The following TBC1D15 variants were observed in gnomAD, a reference collection of about 807,000 sequenced individuals.
The protein encoded by TBC1D15 is GAP for RAB7.
A neutral mutation model predicts 95.4 loss-of-function variants in TBC1D15; 39 were observed. The ratio of observed to expected loss-of-function variants is 0.41; its 90% confidence interval spans 0.32 to 0.53. The LOEUF is 0.53. Among genes scored for constraint, TBC1D15 ranks in the 20% least tolerant of loss-of-function variants. TBC1D15 has a pLI of 0.29. For synonymous variants in TBC1D15, 258 were observed against 261.3 expected, an observed-to-expected ratio of 0.99 and a Z score of 0.12; for missense variants, 733 against 794.3, an observed-to-expected ratio of 0.92 and a Z score of 0.93.
chr12:71,901,157 G>A (rs147581764), intron 10 of TBC1D15, among the ~76,000 whole-genome samples: 9 of 152,158 alleles, frequency 5.9e-5, no homozygotes, highest in Middle Eastern at 3.4e-3. Flanking sequence ...AGTAGCTGGG[G>A]CTGCATGCAC....
chr12:71,848,585 A>G (rs1886928029), intron 1 of TBC1D15, among the ~76,000 whole-genome samples: 1 of 151,678 alleles, frequency 6.6e-6, no homozygotes, highest in Non-Finnish European at 1.5e-5. Context: ...CCTGGATTTT[A>G]TATTCTGGAT....
chr12:71,865,256 C>A (rs1891242129), intron 1 of TBC1D15, among the ~76,000 whole-genome samples: 1 of 152,210 alleles, frequency 6.6e-6, no homozygotes, highest in African/African-American at 2.4e-5. Flanking sequence ...GGATGTATGA[C>A]ACTGAGTCAC....
chr12:71,841,475 A>G (rs1468618589), intron 1 of TBC1D15, among the ~76,000 whole-genome samples: 1 of 152,182 alleles, frequency 6.6e-6, no homozygotes, highest in Admixed American at 6.5e-5. Flanking sequence ...TAATACTATC[A>G]TGACCAACAA....
intron 1 of TBC1D15, among the ~76,000 whole-genome samples, chr12:71,848,946 C>T (rs1363406795): frequency 6.6e-6 from 1 of 152,108 alleles, no homozygotes; most frequent in Admixed American, 6.5e-5. Context: ...TGTTGCCTCA[C>T]ATCATGTCTA....
rs1327437825 is a variant in TBC1D15, at chr12:71,894,855, A to C, written c.827A>C (p.Glu276Ala). The change falls in exon 7 of 17, where the codon GAA becomes GCA. Residue 276 changes from glutamate (E) to alanine (A), a missense_variant. By Grantham distance (107) the Glu-to-Ala change is moderately radical. Transcript: ENST00000485960. ...AIPGLKINQQEEPGFEVITRI... is the reference protein window; with the variant it reads ...AIPGLKINQQAEPGFEVITRI... ...CCAGGTCTAAAGATAAATCAACAAG[A>C]AGAACCAGGATTTGAAGTCATCACA... 1 of 1,612,952 alleles carries C rather than the reference A, an allele frequency of 6.2e-7. No homozygotes were observed.
intron 1 of TBC1D15, among the ~76,000 whole-genome samples, chr12:71,850,591 T>G (rs1393180539): frequency 6.6e-6 from 1 of 151,874 alleles, no homozygotes; most frequent in Non-Finnish European, 1.5e-5. Flanking sequence ...TTTTTTGTTT[T>G]GTGGACGTGG....
chr12:71,871,710 T>G (rs1160342454), intron 1 of TBC1D15, among the ~76,000 whole-genome samples: 1 of 152,222 alleles, frequency 6.6e-6, no homozygotes, highest in Non-Finnish European at 1.5e-5. Flanking sequence ...GCCTCCCAGG[T>G]AGTTGGGACT....
chr12:71,905,475 G>C (rs993867356), intron 10 of TBC1D15, among the ~76,000 whole-genome samples: 2 of 152,090 alleles, frequency 1.3e-5, no homozygotes, highest in Non-Finnish European at 1.5e-5. Flanking sequence ...ACAGGCAGGC[G>C]TCACCATGCC....
At chr12:71,849,940 C>G in intron 1 of TBC1D15, 1 of 545,414 alleles carries the variant, frequency 1.8e-6, no homozygotes, top group Non-Finnish European at 3.6e-6. Flanking sequence ...CTAAGTTTCC[C>G]CTGAAGGGTG....
In TBC1D15 at chr12:71,923,306, GT is replaced by G; in HGVS notation, c.*105del. 9.4e-7 allele frequency: 1 copy of G among 1,061,734 alleles called. No homozygotes were observed. The highest frequency in any genetic ancestry group is 1.4e-6 in the Non-Finnish European group (1 of 719,400). 65.8% of individuals were successfully genotyped at this position (1,061,734 alleles called of 1,614,324 possible). A position where few individuals can be genotyped will look rare whatever the true frequency, so the allele number is the denominator to read the frequency against. ...ATCTTGGTATTGATCATGCTTTAAG[GT>G]TTATGTAAAGAAAGTGTACTGATGT... On this transcript the variant is annotated 3_prime_UTR_variant, in exon 17 of 17. Transcript: ENST00000485960.
chr12:71,848,827 A>G (rs1886992491), intron 1 of TBC1D15, among the ~76,000 whole-genome samples: 1 of 152,194 alleles, frequency 6.6e-6, no homozygotes, highest in African/African-American at 2.4e-5. Context: ...GTAACAAAGA[A>G]CTATGGCTTC....
chr12:71,850,379 C>T (rs993110674), intron 1 of TBC1D15: 7 of 310,298 alleles, frequency 2.3e-5, no homozygotes, highest in South Asian at 2.1e-4. Flanking sequence ...GGGGTTCGCA[C>T]AGTGGGCCAC....
chr12:71,885,154 G>T, intron 5 of TBC1D15, 133 bp downstream of exon 5: 1 of 744,524 alleles, frequency 1.3e-6, no homozygotes, highest in Non-Finnish European at 2.2e-6. Flanking sequence ...GTTTTTTCTG[G>T]GATATTGATT....
At chr12:71,847,081 A>G (rs751790574) in intron 1 of TBC1D15, among the ~76,000 whole-genome samples, 18 of 152,046 alleles carry the variant, frequency 1.2e-4, no homozygotes, top group Non-Finnish European at 2.2e-4. Context: ...TTGAGATACA[A>G]TTGATATGAT....
rs893018157 is a variant in TBC1D15, at chr12:71,894,768, G to A, written c.740G>A (p.Ser247Asn). 2 of 1,613,314 alleles carry A rather than the reference G, an allele frequency of 1.2e-6. No individual in the cohort carries two copies. The highest frequency in any genetic ancestry group is 2.7e-5 in the African/African-American group (2 of 74,988). The change falls in exon 7 of 17, where the codon AGC becomes AAC. Residue 247 changes from serine to asparagine, a missense_variant. Coordinates refer to ENST00000485960, the MANE Select transcript of TBC1D15 (RefSeq NM_001146213.3). ...TNYIFDSLRG[S>N]DPSTHQRPPS... ...TACATTTTTGACAGTTTGAGAGGCA[G>A]CGATCCCTCTACACATCAACGACCA...
intron 11 of TBC1D15, among the ~76,000 whole-genome samples, chr12:71,911,175 G>A (rs1215668935): frequency 6.6e-6 from 1 of 152,062 alleles, no homozygotes; most frequent in Non-Finnish European, 1.5e-5. Context: ...ACTGTTGGTG[G>A]GACTGTAAAC....
chr12:71,917,130 A>G (rs1903896924), intron 12 of TBC1D15, among the ~76,000 whole-genome samples: 1 of 152,090 alleles, frequency 6.6e-6, no homozygotes, highest in Non-Finnish European at 1.5e-5. Flanking sequence ...GAATTTTCAT[A>G]TTTGCTTCTG....
chr12:71,878,830 A>T (rs571148440), intron 3 of TBC1D15, among the ~76,000 whole-genome samples: 2 of 134,106 alleles, frequency 1.5e-5, no homozygotes, highest in South Asian at 2.2e-4. Flanking sequence ...GGGTTGATTT[A>T]AAAAAAAAAA....
intron 1 of TBC1D15, among the ~76,000 whole-genome samples, chr12:71,851,708 C>T (rs1335541808): frequency 6.6e-6 from 1 of 152,124 alleles, no homozygotes; most frequent in Non-Finnish European, 1.5e-5. Flanking sequence ...CTTAAAGCTC[C>T]AAAATAATCT....
Sources: allele counts gnomAD v4.1 joint callset (sites outside exome capture counted in the v4.1 genomes callset), GRCh38; gene constraint gnomAD v4.1.1; transcripts MANE v1.5; gene names NCBI Gene and HGNC (gene_info 2026-07-23, HGNC 2026-07-21).